The following DGKD variants were observed in gnomAD, a reference collection of about 807,000 sequenced individuals.
DGKD encodes diacylglycerol kinase delta.
In DGKD, 68 loss-of-function variants were observed where a neutral mutation model predicts 154.4. That is an observed-to-expected ratio of 0.44 (90% CI 0.36 to 0.54). The LOEUF (loss-of-function observed/expected upper bound fraction) is 0.54, where lower values mean the gene tolerates loss of function less well. DGKD is among the 20% of genes least tolerant of loss of function. The pLI, the probability that DGKD is intolerant of heterozygous loss-of-function variation, is 0.00. For synonymous variants in DGKD, 693 were observed against 638.0 expected (o/e 1.09, Z -1.30); for missense variants, 1,343 against 1,593.6 (o/e 0.84, Z 2.68).
At chr2:233,443,808 C>CAGTG (rs2062975295) in intron 10 of DGKD, among the ~76,000 whole-genome samples, 2 of 152,208 alleles carry the variant, frequency 1.3e-5, no homozygotes, top group South Asian at 4.1e-4. Context: ...GTTAGGAAGA[C>CAGTG]AGTGGAACCT....
intron 11 of DGKD, among the ~76,000 whole-genome samples, chr2:233,446,385 A>G (rs957833123): frequency 1.3e-5 from 2 of 152,196 alleles, no homozygotes; most frequent in African/African-American, 2.4e-5. Context: ...GGCCTGTGAA[A>G]TGCTCATCTC....
intron 3 of DGKD, among the ~76,000 whole-genome samples, chr2:233,431,506 A>G (rs1439909590): frequency 6.6e-6 from 1 of 152,234 alleles, no homozygotes; most frequent in Non-Finnish European, 1.5e-5. Flanking sequence ...AGAATAGCCA[A>G]AAGACCCAGA....
chr2:233,354,727 C>G lies in DGKD; in HGVS notation c.156+53C>G. On this transcript the variant is annotated intron_variant, in intron 1 of 29. Coordinates refer to ENST00000264057, the MANE Select transcript of DGKD (RefSeq NM_152879.3). The surrounding 1 kb of genome is among the most constrained non-coding windows in gnomAD (Gnocchi z 4.8). The stretch of plus-strand genomic sequence containing the variant: ...GCGCGCCCCTCACGCCGCGGCAGCC[C>G]CGGCCGAGGCCCGTGGCCCTGCCCG... The G allele has an allele frequency of 4.2e-6, 4 of 962,358 alleles. No homozygotes were observed. Among genetic ancestry groups the G allele is most frequent in the Non-Finnish European group, 4.9e-6 (4 of 811,960 alleles). The allele number at this position is 962,358 out of a possible 1,614,324, so 59.6% of individuals were successfully genotyped here. A position where few individuals can be genotyped will look rare whatever the true frequency, so the allele number is the denominator to read the frequency against.
At chr2:233,404,681 A>G (rs1018124395) in intron 3 of DGKD, among the ~76,000 whole-genome samples, 2 of 152,234 alleles carry the variant, frequency 1.3e-5, no homozygotes, top group East Asian at 1.9e-4. Context: ...GGCATGTCAC[A>G]TAACTTTAAA....
At chr2:233,453,326 C>T (rs2063347484) in intron 18 of DGKD, among the ~76,000 whole-genome samples, 1 of 152,192 alleles carries the variant, frequency 6.6e-6, no homozygotes, top group Non-Finnish European at 1.5e-5. Flanking sequence ...CCCTCCTGCT[C>T]CAGGCCCCTG....
chr2:233,419,132 C>T (rs1251336437), intron 3 of DGKD: 10 of 691,210 alleles, frequency 1.4e-5, no homozygotes, highest in African/African-American at 7.8e-5. Flanking sequence ...TGACCCAGGG[C>T]GCCAGATGCT....
At position 233,363,901 on chromosome 2, in the gene DGKD, G is replaced by C. The variant is rs957011784; in HGVS notation, c.156+9227G>C. 7.2e-5 allele frequency among the ~76,000 whole-genome samples: 11 copies of C among 152,186 alleles called. No individual in the cohort carries two copies. The East Asian group carries it at 2.1e-3, about 29-fold the overall frequency. On this transcript the variant is annotated intron_variant, in intron 1 of 29. Transcript: ENST00000264057. ...ATCTAGATTTGTGAAAGTACACTCT[G>C]TGATGTTCACATAGGATGAAATCAC...
intron 3 of DGKD, among the ~76,000 whole-genome samples, chr2:233,433,428 G>T (rs2062593447): frequency 6.6e-6 from 1 of 152,130 alleles, no homozygotes; most frequent in African/African-American, 2.4e-5. Flanking sequence ...GCAGTAGATT[G>T]ATGGTTACCA....
intron 3 of DGKD, among the ~76,000 whole-genome samples, chr2:233,398,680 A>G (rs1479560320): frequency 2.0e-5 from 3 of 152,188 alleles, no homozygotes; most frequent in South Asian, 4.1e-4. Context: ...GCTGGAGTGC[A>G]GTGATGCGAT....
At chr2:233,422,074 T>G (rs1022270913) in intron 3 of DGKD, among the ~76,000 whole-genome samples, 1 of 152,198 alleles carries the variant, frequency 6.6e-6, no homozygotes, top group Non-Finnish European at 1.5e-5. Flanking sequence ...CCGAGGGGCA[T>G]GGCCAGTGGG....
chr2:233,460,384 C>A (rs759576930), intron 24 of DGKD, 39 bp downstream of exon 24: 4 of 1,608,990 alleles, frequency 2.5e-6, no homozygotes, highest in East Asian at 2.2e-5. Context: ...TGAGCCTCCC[C>A]CAGGGTCCCT....
chr2:233,447,113 G>A (rs980200212), intron 12 of DGKD, among the ~76,000 whole-genome samples: 1 of 152,160 alleles, frequency 6.6e-6, no homozygotes, highest in Admixed American at 6.5e-5. Flanking sequence ...GCCCCAAACG[G>A]TGCGCGCCCG....
intron 18 of DGKD, chr2:233,454,224 C>A: frequency 2.8e-6 from 1 of 358,604 alleles, no homozygotes; most frequent in African/African-American, 2.2e-5. Context: ...TGGAACATCC[C>A]AGTGTCCGTC....
chr2:233,457,623 G>A lies in DGKD; in HGVS notation c.2580+295G>A, dbSNP rs2063502357. ...GGTGTCTGGGAGGCCAAGACCTGAA[G>A]GATGAGTTGGAGTTGGCTAAGTTAG... On this transcript the variant is annotated intron_variant, in intron 21 of 29. Coordinates refer to ENST00000264057, the MANE Select transcript of DGKD (RefSeq NM_152879.3). The surrounding 1 kb of genome is among the most constrained non-coding windows in gnomAD (Gnocchi z 5.5). The A allele has an allele frequency of 1.9e-6, 1 of 536,408 alleles. No homozygotes were observed. The highest frequency in any genetic ancestry group is 2.2e-5 in the Admixed American group (1 of 44,784). The allele number at this position is 536,408 out of a possible 1,614,324, so 33.2% of individuals were successfully genotyped here.
chr2:233,388,009 C>T (rs1331058949), intron 1 of DGKD: 2 of 698,434 alleles, frequency 2.9e-6, no homozygotes, highest in Non-Finnish European at 2.2e-6. Context: ...CCAGGGCACA[C>T]CCTGGGCCTC....
intron 3 of DGKD, among the ~76,000 whole-genome samples, chr2:233,411,418 T>C (rs1393815958): frequency 6.6e-6 from 1 of 152,232 alleles, no homozygotes; most frequent in East Asian, 1.9e-4. Flanking sequence ...CATTGTGGCT[T>C]TAATTTCCAT....
intron 3 of DGKD, among the ~76,000 whole-genome samples, chr2:233,406,992 G>A (rs1256004235): frequency 6.6e-6 from 1 of 152,182 alleles, no homozygotes; most frequent in Admixed American, 6.5e-5. Flanking sequence ...GTTTGATGAA[G>A]TATATCATAA....
At chr2:233,426,808 G>C (rs943034148) in intron 3 of DGKD, among the ~76,000 whole-genome samples, 1 of 152,190 alleles carries the variant, frequency 6.6e-6, no homozygotes, top group Non-Finnish European at 1.5e-5. Context: ...TTCTGAAGTA[G>C]TTGCACCAAA....
Position 233,354,946 on chromosome 2 carries a change from G to A in DGKD, c.156+272G>A, listed in dbSNP as rs1009383023. ...CCGGGCGCCGCGCGCTGGGCGGGGG[G>A]CGCGCGCCGAGTTGGGCCGCGAGGA... On this transcript the variant is annotated intron_variant, in intron 1 of 29. Transcript: ENST00000264057. This position sits in a 1 kb window ranked among gnomAD's most constrained non-coding sequence, Gnocchi z 4.8. 6.7e-6 allele frequency among the ~76,000 whole-genome samples: 1 copy of A among 148,586 alleles called. No homozygotes were observed. Among genetic ancestry groups the A allele is most frequent in the South Asian group, 2.1e-4 (1 of 4,820 alleles).
Sources: allele counts gnomAD v4.1 joint callset (sites outside exome capture counted in the v4.1 genomes callset), GRCh38; gene constraint gnomAD v4.1.1; non-coding constraint Gnocchi (gnomAD v3.1); transcripts MANE v1.5; gene names NCBI Gene and HGNC (gene_info 2026-07-23, HGNC 2026-07-21).